Variants in SINHCAF observed in about 807,000 individuals in gnomAD.
SINHCAF encodes the protein SIN3-HDAC complex-associated factor.
A neutral mutation model predicts 25.8 loss-of-function variants in SINHCAF; 3 were observed. The ratio of observed to expected loss-of-function variants is 0.12; its 90% CI spans 0.05 to 0.30. The LOEUF is 0.30. Ranked by LOEUF, SINHCAF falls within the 10% of genes least tolerant of loss-of-function variation. The pLI, the probability that SINHCAF is intolerant of heterozygous loss-of-function variation, is 1.00. For missense variants in SINHCAF, 121 were observed against 262.3 expected, an observed-to-expected ratio of 0.46 and a Z score of 3.72; for synonymous variants, 70 against 85.5, an observed-to-expected ratio of 0.82 and a Z score of 1.00.
At chr12:31,301,312 A>G (rs1458672447) in intron 1 of SINHCAF, among the ~76,000 whole-genome samples, 2 of 152,172 alleles carry the variant, frequency 1.3e-5, no homozygotes, top group Non-Finnish European at 2.9e-5. Context: ...CTTCTTAGAC[A>G]TAGGGGAGAA....
Position 31,282,820 on chromosome 12 carries a change from G to C in SINHCAF, c.558C>G (p.Leu186=). 1.2e-6 allele frequency: 2 copies of C among 1,612,648 alleles called. No homozygotes were observed. Among genetic ancestry groups the C allele is most frequent in the Non-Finnish European group, 1.7e-6 (2 of 1,179,560 alleles). Residue 186 remains leucine (L), a synonymous_variant, in exon 6 of 6, where the codon CTC becomes CTG. Coordinates refer to ENST00000337682, the MANE Select transcript of SINHCAF (RefSeq NM_001135812.2). ...AAGGCTTGAAGAGATGTGTGTCAAT[G>C]AGGACTTCCCCAAAACGGCCTTTAT... ...IIYKGRFGEV[L]IDTHLFKPCC...
intron 1 of SINHCAF, among the ~76,000 whole-genome samples, chr12:31,323,062 C>A (rs970153764): frequency 6.6e-6 from 1 of 152,130 alleles, no homozygotes; most frequent in African/African-American, 2.4e-5. Flanking sequence ...AGCTTCCTCC[C>A]CAGCCAGCTC....
In SINHCAF at chr12:31,281,068, CCTT is replaced by C. The variant is rs1407439445; in HGVS notation, c.*1641_*1643del. The C allele has an allele frequency of 6.6e-6, 1 of 152,022 alleles. No individual in the cohort carries two copies. The highest frequency in any genetic ancestry group is 2.4e-5 in the African/African-American group (1 of 41,418). The allele number at this position is 152,022 out of a possible 1,614,324, so 9.4% of individuals were successfully genotyped here. A position where few individuals can be genotyped will look rare whatever the true frequency, so the allele number is the denominator to read the frequency against. ...GGGTGCCTATAAAAGGTGGCTTACT[CCTT>C]ATTGTTATTATACTATCCAATTTTT... On this transcript the variant is annotated 3_prime_UTR_variant, in exon 6 of 6. Coordinates refer to ENST00000337682, the MANE Select transcript of SINHCAF (RefSeq NM_001135812.2).
chr12:31,283,777 G>A (rs1332447599), intron 5 of SINHCAF, among the ~76,000 whole-genome samples: 2 of 149,932 alleles, frequency 1.3e-5, no homozygotes, highest in East Asian at 2.0e-4. Flanking sequence ...TTAATTTTAG[G>A]TTTATCACTC....
At chr12:31,300,269 G>A (rs1938731654) in intron 1 of SINHCAF, among the ~76,000 whole-genome samples, 1 of 151,984 alleles carries the variant, frequency 6.6e-6, no homozygotes, top group African/African-American at 2.4e-5. Flanking sequence ...CAAATAATTA[G>A]CTAAAAACTG....
chr12:31,307,463 G>A, intron 1 of SINHCAF, among the ~76,000 whole-genome samples: 1 of 152,126 alleles, frequency 6.6e-6, no homozygotes, highest in South Asian at 2.1e-4. Flanking sequence ...GCTGAGGCAG[G>A]CAGATTAACT....
chr12:31,311,552 C>T (rs1360588580), intron 1 of SINHCAF: 1 of 268,678 alleles, frequency 3.7e-6, no homozygotes, highest in African/African-American at 2.3e-5. Context: ...GGAAGTGAAC[C>T]ACTGGGACCG....
intron 1 of SINHCAF, 173 bp from the exon 2 acceptor site, chr12:31,298,397 G>T: frequency 3.2e-6 from 2 of 626,152 alleles, no homozygotes; most frequent in Non-Finnish European, 5.5e-6. Context: ...CACTATCAAG[G>T]CAAGCGTATA....
intron 1 of SINHCAF, among the ~76,000 whole-genome samples, chr12:31,300,733 C>T (rs1938755487): frequency 6.6e-6 from 1 of 152,176 alleles, no homozygotes; most frequent in Non-Finnish European, 1.5e-5. Flanking sequence ...TTGTGTATTC[C>T]TGTTTTAAGG....
chr12:31,318,383 T>A (rs187883650), intron 1 of SINHCAF, among the ~76,000 whole-genome samples: 122 of 152,214 alleles, frequency 8.0e-4, no homozygotes, highest in African/African-American at 2.8e-3. Context: ...GAGAAAGGGG[T>A]AGCAGACCCC....
At chr12:31,317,637 TCA>T (rs1939544013) in intron 1 of SINHCAF, among the ~76,000 whole-genome samples, 2 of 151,898 alleles carry the variant, frequency 1.3e-5, no homozygotes, top group East Asian at 3.9e-4. Flanking sequence ...ACCAAGAGCA[TCA>T]CTCTCCAATA....
intron 1 of SINHCAF, among the ~76,000 whole-genome samples, chr12:31,308,602 G>A (rs1180269985): frequency 6.6e-6 from 1 of 152,140 alleles, no homozygotes; most frequent in Non-Finnish European, 1.5e-5. Flanking sequence ...GTGTGTCAGA[G>A]CAAAGGAGGA....
At chr12:31,289,229 T>A (rs1194319187) in intron 4 of SINHCAF, among the ~76,000 whole-genome samples, 1 of 152,060 alleles carries the variant, frequency 6.6e-6, no homozygotes, top group East Asian at 1.9e-4. Flanking sequence ...AAAAAGAGAA[T>A]AGAGGTGAAA....
intron 4 of SINHCAF, 102 bp from the exon 5 acceptor site, chr12:31,287,886 AAAAAG>A: frequency 1.6e-6 from 1 of 626,878 alleles, no homozygotes; most frequent in Non-Finnish European, 2.5e-6. Flanking sequence ...GGTAAAAAAG[AAAAAG>A]TAAAAAATAA....
rs139676428 is a variant in SINHCAF at position 31,306,468 on chromosome 12, G to C, written c.-20-8244C>G. ...CACTAGGATAATGGGTTTATCATTA[G>C]GTCCATACCATAGTTCAGTTTGCGG... On this transcript the variant is annotated intron_variant, in intron 1 of 5. Coordinates refer to ENST00000337682, the MANE Select transcript of SINHCAF (RefSeq NM_001135812.2). 4.4e-3 allele frequency among the ~76,000 whole-genome samples: 666 copies of C among 152,250 alleles called. 6 individuals are homozygous for C. The highest frequency in any genetic ancestry group is 0.015 in the African/African-American group (638 of 41,538).
At chr12:31,311,948 G>T (rs1243971868) in intron 1 of SINHCAF, 2 of 626,240 alleles carry the variant, frequency 3.2e-6, no homozygotes, top group African/African-American at 1.8e-5. Flanking sequence ...CTTTTGATTG[G>T]TCCTGGGTGC....
rs2137151926 is a variant in SINHCAF at position 31,325,211 on chromosome 12, T to C, written c.-21+813A>G. ...CTCGCGGTGTCGCCCACACCTACGCTACAGGTGAACGCACCGGGAGCAAAA... is the reference window on the plus strand; with the variant it reads ...CTCGCGGTGTCGCCCACACCTACGCCACAGGTGAACGCACCGGGAGCAAAA... On this transcript the variant is annotated intron_variant, in intron 1 of 5. Coordinates refer to ENST00000337682, the MANE Select transcript of SINHCAF (RefSeq NM_001135812.2). The surrounding 1 kb of genome is among the most constrained non-coding windows in gnomAD (Gnocchi z 5.9). The C allele has an allele frequency of 2.2e-6, 1 of 456,542 alleles. No homozygotes were observed. Among genetic ancestry groups the C allele is most frequent in the East Asian group, 7.0e-5 (1 of 14,358 alleles). The allele number at this position is 456,542 out of a possible 1,614,324, so 28.3% of individuals were successfully genotyped here.
At chr12:31,293,699 T>C in intron 4 of SINHCAF, 106 bp downstream of exon 4, 2 of 1,003,966 alleles carry the variant, frequency 2.0e-6, no homozygotes, top group South Asian at 1.9e-5. Context: ...CAGTGCTCTT[T>C]ATAAAAAGCA....
chr12:31,296,651 C>T (rs974406326), intron 2 of SINHCAF, among the ~76,000 whole-genome samples: 6 of 151,708 alleles, frequency 4.0e-5, no homozygotes, highest in Non-Finnish European at 7.4e-5. Flanking sequence ...GCCGGGAGTT[C>T]GAGACCAGCC....
Sources: allele counts gnomAD v4.1 joint callset (sites outside exome capture counted in the v4.1 genomes callset), GRCh38; gene constraint gnomAD v4.1.1; non-coding constraint Gnocchi (gnomAD v3.1); transcripts MANE v1.5; gene names NCBI Gene and HGNC (gene_info 2026-07-23, HGNC 2026-07-21).